The following THSD7A variants were observed in gnomAD, a reference collection of about 807,000 sequenced individuals.
THSD7A encodes the protein thrombospondin type 1 domain containing 7A, also known as thrombospondin type-1 domain-containing protein 7A.
Under a neutral mutation model 231.3 loss-of-function variants are expected in THSD7A, and 96 were observed. That is an observed-to-expected ratio of 0.41 (90% CI 0.35 to 0.49). The LOEUF (loss-of-function observed/expected upper bound fraction) is 0.49, where lower values mean the gene tolerates loss of function less well. THSD7A is among the 20% of genes least tolerant of loss of function. The pLI, the probability that THSD7A is intolerant of heterozygous loss-of-function variation, is 0.05. For synonymous variants in THSD7A, 940 were observed against 743.3 expected, an observed-to-expected ratio of 1.26 and a Z score of -4.30; for missense variants, 2,290 against 2,070.2, an observed-to-expected ratio of 1.11 and a Z score of -2.06.
intron 23 of THSD7A, among the ~76,000 whole-genome samples, chr7:11,391,559 C>A (rs1433788929): frequency 6.6e-6 from 1 of 152,150 alleles, no homozygotes; most frequent in Non-Finnish European, 1.5e-5. Flanking sequence ...CCAGCCAGAC[C>A]ACTTGGCCCC....
intron 4 of THSD7A, among the ~76,000 whole-genome samples, chr7:11,589,434 C>T (rs1002503074): frequency 6.6e-5 from 10 of 152,122 alleles, no homozygotes; most frequent in Admixed American, 5.9e-4. Flanking sequence ...GTGTCTCTGT[C>T]GTCATTGAGC....
chr7:11,452,822 C>A (rs1785188280), intron 11 of THSD7A, among the ~76,000 whole-genome samples: 1 of 151,938 alleles, frequency 6.6e-6, no homozygotes, highest in African/African-American at 2.4e-5. Flanking sequence ...TGCTAATATT[C>A]ATAGGAAGTT....
intron 1 of THSD7A, among the ~76,000 whole-genome samples, chr7:11,643,924 C>T (rs188762531): frequency 1.5e-4 from 23 of 151,988 alleles, no homozygotes; most frequent in African/African-American, 5.5e-4. Context: ...TTTGGCCTTC[C>T]ACCAGCAATT....
At chr7:11,819,467 G>T (rs563896919) in intron 1 of THSD7A, among the ~76,000 whole-genome samples, 2 of 152,260 alleles carry the variant, frequency 1.3e-5, no homozygotes, top group Admixed American at 1.3e-4. Context: ...CCAAAGGATG[G>T]AATATTGTTC....
chr7:11,608,287 A>G (rs1780804146), intron 2 of THSD7A, among the ~76,000 whole-genome samples: 1 of 152,198 alleles, frequency 6.6e-6, no homozygotes, highest in African/African-American at 2.4e-5. Flanking sequence ...TGTTTTTAAA[A>G]CTTAAACAAG....
At chr7:11,646,733 A>G (rs1041578707) in intron 1 of THSD7A, among the ~76,000 whole-genome samples, 4 of 152,052 alleles carry the variant, frequency 2.6e-5, no homozygotes, top group Admixed American at 2.0e-4. Flanking sequence ...TTTTCACTCT[A>G]TCTCAGGGAA....
chr7:11,500,948 A>T (rs1787309080), intron 6 of THSD7A, among the ~76,000 whole-genome samples: 3 of 151,480 alleles, frequency 2.0e-5, no homozygotes, highest in African/African-American at 7.3e-5. Flanking sequence ...AAAGAAAGAA[A>T]AAAAAAAAGA....
chr7:11,636,079 CAT>C lies in THSD7A; in HGVS notation c.1022+49_1022+50del. 6.6e-7 allele frequency: 1 copy of C among 1,507,844 alleles called. No individual in the cohort carries two copies. Among genetic ancestry groups the C allele is most frequent in the Non-Finnish European group, 9.0e-7 (1 of 1,108,660 alleles). The allele number at this position is 1,507,844 out of a possible 1,614,324, so 93.4% of individuals were successfully genotyped here. A position where few individuals can be genotyped will look rare whatever the true frequency, so the allele number is the denominator to read the frequency against. Reference sequence around the variant, plus strand: ...GATAGTACCGGATATCTTAGGTACTCATGATTCTTGACAGACAAGCCTGTGTA... The same window carrying C: ...GATAGTACCGGATATCTTAGGTACTCGATTCTTGACAGACAAGCCTGTGTA... On this transcript the variant is annotated intron_variant, in intron 2 of 27. Coordinates refer to ENST00000423059, the MANE Select transcript of THSD7A (RefSeq NM_015204.3). The surrounding 1 kb of genome is among the most constrained non-coding windows in gnomAD (Gnocchi z 10.0).
chr7:11,672,232 A>G (rs1783423232), intron 1 of THSD7A, among the ~76,000 whole-genome samples: 1 of 152,060 alleles, frequency 6.6e-6, no homozygotes, highest in Non-Finnish European at 1.5e-5. Flanking sequence ...TAACCTCCTT[A>G]TAAGATTTTT....
chr7:11,563,121 T>C (rs1268007228), intron 4 of THSD7A, among the ~76,000 whole-genome samples: 4 of 152,176 alleles, frequency 2.6e-5, no homozygotes, highest in South Asian at 4.1e-4. Context: ...TGTACTAAAC[T>C]TGAATCATAG....
intron 16 of THSD7A, among the ~76,000 whole-genome samples, chr7:11,424,303 T>G (rs1784246791): frequency 6.6e-6 from 1 of 152,212 alleles, no homozygotes; most frequent in Non-Finnish European, 1.5e-5. Flanking sequence ...GAAAGCTCCC[T>G]GGACAACAGG....
chr7:11,690,576 A>G (rs1780202800), intron 1 of THSD7A, among the ~76,000 whole-genome samples: 1 of 151,696 alleles, frequency 6.6e-6, no homozygotes, highest in African/African-American at 2.4e-5. Context: ...TGGAAGGTGT[A>G]AGCTTGAGAC....
Position 11,446,022 on chromosome 7 carries a change from C to T in THSD7A, c.3064+39G>A. 4 of 1,610,402 alleles carry T rather than the reference C, an allele frequency of 2.5e-6. No individual in the cohort carries two copies. Among genetic ancestry groups the T allele is most frequent in the Non-Finnish European group, 3.4e-6 (4 of 1,177,558 alleles). ...GCGTGTGCATTTTCCCTCCACACTCCCGAAGATAGCAAATATGTAACAATG... is the reference window on the plus strand; with the variant it reads ...GCGTGTGCATTTTCCCTCCACACTCTCGAAGATAGCAAATATGTAACAATG... On this transcript the variant is annotated intron_variant, in intron 13 of 27. Coordinates refer to ENST00000423059, the MANE Select transcript of THSD7A (RefSeq NM_015204.3). The surrounding 1 kb of genome is among the most constrained non-coding windows in gnomAD (Gnocchi z 4.0).
chr7:11,623,613 G>C (rs909709787), intron 2 of THSD7A, among the ~76,000 whole-genome samples: 5 of 152,124 alleles, frequency 3.3e-5, no homozygotes, highest in African/African-American at 4.8e-5. Context: ...AAGTAAATGT[G>C]GGGGTGGGGG....
Position 11,446,717 on chromosome 7 carries a change from C to G in THSD7A, c.2801-393G>C, listed in dbSNP as rs1793878997. ...ACCAATATTTTTAGGTTGCTTTTGCCATTGGCAATATTTCAAATGCACCAA... is the reference window on the plus strand; with the variant it reads ...ACCAATATTTTTAGGTTGCTTTTGCGATTGGCAATATTTCAAATGCACCAA... On this transcript the variant is annotated intron_variant, in intron 12 of 27. Coordinates refer to ENST00000423059, the MANE Select transcript of THSD7A (RefSeq NM_015204.3). The surrounding 1 kb of genome is among the most constrained non-coding windows in gnomAD (Gnocchi z 4.0). 6.6e-6 allele frequency among the ~76,000 whole-genome samples: 1 copy of G among 152,088 alleles called. No homozygotes were observed. The highest frequency in any genetic ancestry group is 2.1e-4 in the South Asian group (1 of 4,828).
intron 1 of THSD7A, among the ~76,000 whole-genome samples, chr7:11,646,889 C>T (rs1272065917): frequency 6.6e-6 from 1 of 151,866 alleles, no homozygotes; most frequent in Non-Finnish European, 1.5e-5. Flanking sequence ...GGCTAAGGCA[C>T]AAAAGAATAA....
chr7:11,718,899 T>A lies in THSD7A; in HGVS notation c.191-81938A>T, dbSNP rs540895551. Among the ~76,000 whole-genome samples the A allele has an allele frequency of 2.0e-5, 3 of 151,624 alleles. No individual in the cohort carries two copies. In the South Asian group the frequency reaches 6.2e-4, roughly 32 times the overall value. On this transcript the variant is annotated intron_variant, in intron 1 of 27. Coordinates refer to ENST00000423059, the MANE Select transcript of THSD7A (RefSeq NM_015204.3). ...TTCCCAACATGTTTTAAACATATTA[T>A]GGATACTGTTGAAATAGGGACAATT...
chr7:11,656,386 C>G (rs972841221), intron 1 of THSD7A, among the ~76,000 whole-genome samples: 2 of 151,838 alleles, frequency 1.3e-5, no homozygotes, highest in African/African-American at 4.8e-5. Flanking sequence ...ACCAAATGCT[C>G]ATTGTCTGCT....
At chr7:11,641,471 C>G (rs1782078350) in intron 1 of THSD7A, among the ~76,000 whole-genome samples, 1 of 152,010 alleles carries the variant, frequency 6.6e-6, no homozygotes. Context: ...CTAAAGTTTG[C>G]TTAGATAACT....
Sources: allele counts gnomAD v4.1 joint callset (sites outside exome capture counted in the v4.1 genomes callset), GRCh38; gene constraint gnomAD v4.1.1; non-coding constraint Gnocchi (gnomAD v3.1); transcripts MANE v1.5; gene names NCBI Gene and HGNC (gene_info 2026-07-23, HGNC 2026-07-21).